The following RNF150 variants were observed in gnomAD, a reference collection of about 807,000 sequenced individuals.
RNF150 encodes ring finger protein 150.
In RNF150, 24 loss-of-function variants were observed where a neutral mutation model predicts 39.3. The observed-to-expected ratio is 0.61, with a 90% CI of 0.44 to 0.86. The LOEUF (loss-of-function observed/expected upper bound fraction) is 0.86, where lower values mean the gene tolerates loss of function less well. Among genes scored for constraint, RNF150 ranks in the 40% least tolerant of loss-of-function variants. The pLI is 0.00. For missense variants in RNF150, 502 were observed against 587.8 expected, an observed-to-expected ratio of 0.85 and a Z score of 1.51; for synonymous variants, 255 against 227.3, an observed-to-expected ratio of 1.12 and a Z score of -1.10.
At chr4:141,083,501 C>T (rs1324978081) in intron 1 of RNF150, among the ~76,000 whole-genome samples, 1 of 152,028 alleles carries the variant, frequency 6.6e-6, no homozygotes, top group African/African-American at 2.4e-5. Flanking sequence ...CTGGCTTTAC[C>T]TTGTTTGGAA....
intron 2 of RNF150, 92 bp downstream of exon 2, chr4:140,967,531 G>C (rs1046567658): frequency 2.0e-6 from 2 of 1,002,860 alleles, no homozygotes; most frequent in Non-Finnish European, 2.9e-6. Flanking sequence ...GGGATATTTT[G>C]GTTTTGGCTT....
intron 2 of RNF150, among the ~76,000 whole-genome samples, chr4:140,965,390 G>T (rs1037579870): frequency 6.6e-6 from 1 of 152,076 alleles, no homozygotes; most frequent in African/African-American, 2.4e-5. Flanking sequence ...CCTCTTCTGG[G>T]TATATATCCA....
chr4:141,059,576 T>A (rs1008852175), intron 1 of RNF150, among the ~76,000 whole-genome samples: 2 of 152,148 alleles, frequency 1.3e-5, no homozygotes, highest in Non-Finnish European at 2.9e-5. Context: ...TTGCAGTAAT[T>A]TCTTTCCTAA....
At chr4:141,061,481 T>C (rs1296503568) in intron 1 of RNF150, among the ~76,000 whole-genome samples, 1 of 152,184 alleles carries the variant, frequency 6.6e-6, no homozygotes, top group Non-Finnish European at 1.5e-5. Context: ...AGACTAGTGG[T>C]ATGCACTATT....
At chr4:140,895,286 C>G (rs1317347922) in intron 6 of RNF150, among the ~76,000 whole-genome samples, 1 of 152,102 alleles carries the variant, frequency 6.6e-6, no homozygotes, top group Admixed American at 6.6e-5. Flanking sequence ...TTTTTAGAGA[C>G]AGGGTTTCTC....
In RNF150 at chr4:140,899,430, C is replaced by T. The variant is rs72722332; in HGVS notation, c.1198+11714G>A. 1.5e-3 allele frequency among the ~76,000 whole-genome samples: 231 copies of T among 152,318 alleles called. 1 individual carries two copies. Among genetic ancestry groups the T allele is most frequent in the Non-Finnish European group, 2.7e-3 (184 of 68,034 alleles). ...TAGGCAGGCAGAGTCACAGGTGGCA[C>T]CAGTTTGATACCTCTGCCTAGAATA... is the stretch of plus-strand genomic sequence containing the variant. On this transcript the variant is annotated intron_variant, in intron 6 of 6. Coordinates refer to ENST00000515673, the MANE Select transcript of RNF150 (RefSeq NM_020724.2).
At chr4:141,055,524 C>T (rs540513342) in intron 1 of RNF150, among the ~76,000 whole-genome samples, 1 of 152,172 alleles carries the variant, frequency 6.6e-6, no homozygotes, top group South Asian at 2.1e-4. Flanking sequence ...TTGCTCATAA[C>T]AGACACTCAA....
At chr4:141,023,529 C>T (rs113894054) in intron 1 of RNF150, among the ~76,000 whole-genome samples, 6,471 of 150,836 alleles carry the variant, frequency 0.043, 188 homozygotes, top group Middle Eastern at 0.13. Flanking sequence ...GCTGGGATTA[C>T]AGGCGTGAGT....
At chr4:141,208,849 G>T (rs943813051) in intron 1 of RNF150, among the ~76,000 whole-genome samples, 1 of 152,106 alleles carries the variant, frequency 6.6e-6, no homozygotes, top group Non-Finnish European at 1.5e-5. Flanking sequence ...ATTGAAGTTA[G>T]CCTGCTACTG....
chr4:141,063,745 G>A (rs1448600588), intron 1 of RNF150, among the ~76,000 whole-genome samples: 1 of 152,020 alleles, frequency 6.6e-6, no homozygotes, highest in Non-Finnish European at 1.5e-5. Context: ...AGACTCTCGG[G>A]ATACAAAAAT....
At chr4:140,986,398 G>C (rs1035014000) in intron 1 of RNF150, among the ~76,000 whole-genome samples, 7 of 152,004 alleles carry the variant, frequency 4.6e-5, no homozygotes, top group Non-Finnish European at 7.4e-5. Flanking sequence ...TGTTCTTTCT[G>C]AAAGAAAAGA....
At chr4:141,176,708 C>A (rs916222271) in intron 1 of RNF150, among the ~76,000 whole-genome samples, 1 of 152,178 alleles carries the variant, frequency 6.6e-6, no homozygotes, top group Non-Finnish European at 1.5e-5. Context: ...CAGCTCAAAG[C>A]TGCTTAGTCT....
intron 1 of RNF150, among the ~76,000 whole-genome samples, chr4:141,084,765 T>C (rs953295965): frequency 5.3e-5 from 8 of 152,220 alleles, no homozygotes; most frequent in African/African-American, 1.9e-4. Context: ...TGGTAGATTG[T>C]ATTTGACAAA....
chr4:140,989,430 CTCCCCAAGT>C (rs1182218103), intron 1 of RNF150, among the ~76,000 whole-genome samples: 1 of 152,094 alleles, frequency 6.6e-6, no homozygotes, highest in Non-Finnish European at 1.5e-5. Context: ...CCAAAAAGCA[CTCCCCAAGT>C]TCAACCTCCA....
chr4:140,874,435 C>T (rs1329626808), intron 6 of RNF150, among the ~76,000 whole-genome samples: 1 of 152,142 alleles, frequency 6.6e-6, no homozygotes, highest in Non-Finnish European at 1.5e-5. Context: ...AGAGGAGGCA[C>T]TTGGTAAATA....
rs1208443114 is a variant in RNF150 at position 140,967,862 on chromosome 4, T to C, written c.496A>G (p.Ile166Val). ...ITMPHAGVED[I>V]VAIMIPEPKG... ...GGCTCAGGAATCATTATGGCCACGA[T>C]GTCTTCTACACCTGTGGTAAGAGGG... Residue 166 changes from isoleucine (I) to valine (V), a missense_variant, in exon 2 of 7, where the codon ATC becomes GTC. Physicochemically the swap from Ile to Val is conservative, Grantham distance 29. Coordinates refer to ENST00000515673, the MANE Select transcript of RNF150 (RefSeq NM_020724.2). 7.4e-6 allele frequency: 12 copies of C among 1,613,230 alleles called. No homozygotes were observed. The highest frequency in any genetic ancestry group is 2.2e-5 in the East Asian group (1 of 44,844).
chr4:140,925,599 C>A (rs72722364), intron 5 of RNF150, among the ~76,000 whole-genome samples: 58,198 of 151,466 alleles, frequency 0.38, 11,958 homozygotes, highest in Non-Finnish European at 0.47. Context: ...GTGTGGCTTA[C>A]GGATCTTCCT....
chr4:141,155,764 T>C (rs1243832500), intron 1 of RNF150, among the ~76,000 whole-genome samples: 3 of 152,114 alleles, frequency 2.0e-5, no homozygotes, highest in African/African-American at 4.8e-5. Flanking sequence ...AACGAGTCCA[T>C]GGTGCGTGGT....
chr4:141,208,718 TAC>T (rs1246111480), intron 1 of RNF150, among the ~76,000 whole-genome samples: 5 of 152,334 alleles, frequency 3.3e-5, no homozygotes, highest in Admixed American at 3.3e-4. Flanking sequence ...TGTCAAGGTC[TAC>T]AGAGTCTGAG....
Sources: gnomAD v4.1 joint callset for allele counts (sites outside exome capture counted in the v4.1 genomes callset) on GRCh38, gnomAD v4.1.1 for gene constraint, MANE v1.5 for transcripts, NCBI Gene and HGNC (gene_info 2026-07-23, HGNC 2026-07-21) for gene names.